The following PTGER3 variants were observed in gnomAD, a reference collection of about 807,000 sequenced individuals.
The protein encoded by PTGER3 is prostaglandin E2 receptor EP3 subtype.
PTGER3 carries 22 observed loss-of-function variants against 34.7 expected under a neutral mutation model. The ratio of observed to expected loss-of-function variants is 0.63; its 90% confidence interval spans 0.45 to 0.91. The LOEUF is 0.91. Among genes scored for constraint, PTGER3 ranks in the 40% least tolerant of loss-of-function variants. PTGER3 has a pLI of 0.00. For missense variants in PTGER3, 468 were observed against 519.4 expected (o/e 0.90, Z 0.96); for synonymous variants, 241 against 230.1 (o/e 1.05, Z -0.43).
Position 71,047,380 on chromosome 1 carries a change from G to T in PTGER3, c.198C>A (p.Asn66Lys). 1 of 1,611,244 alleles carries T rather than the reference G, an allele frequency of 6.2e-7. No homozygotes were observed. Among genetic ancestry groups the T allele is most frequent in the Non-Finnish European group, 8.5e-7 (1 of 1,179,432 alleles). ...GCGACACGAGCAGCATGGCCAGTGC[G>T]TTGCCCACGAAACCAGTGAGCAGCA... is the stretch of plus-strand genomic sequence containing the variant. ...ITMLLTGFVG[N>K]ALAMLLVSRS... is the part of the protein sequence containing the mutation. Residue 66 changes from asparagine (N) to lysine (K), a missense_variant, in exon 1 of 4, where the codon AAC becomes AAA. Asn to Lys is a moderately conservative substitution (Grantham distance 94). This residue lies in a region of PTGER3 where 151 missense variants were observed against 133.5 expected (regional missense o/e 1.13). Coordinates refer to ENST00000306666, the MANE Select transcript of PTGER3 (RefSeq NM_198719.2).
intron 1 of PTGER3, among the ~76,000 whole-genome samples, chr1:71,023,347 C>G (rs1310458138): frequency 1.3e-5 from 2 of 151,884 alleles, no homozygotes; most frequent in South Asian, 4.1e-4. Context: ...TTCCTGCTAC[C>G]TTTCTGGGTA....
intron 2 of PTGER3, among the ~76,000 whole-genome samples, chr1:70,985,547 A>G (rs1654836627): frequency 6.6e-6 from 1 of 152,166 alleles, no homozygotes; most frequent in Non-Finnish European, 1.5e-5. Context: ...GAGGGCAGTC[A>G]CAATCCAGGC....
At chr1:71,011,274 T>G in intron 2 of PTGER3, 1 of 985,270 alleles carries the variant, frequency 1.0e-6, no homozygotes, top group Non-Finnish European at 1.2e-6. Flanking sequence ...TTATTAACTT[T>G]CTTATATAAA....
At chr1:70,973,869 G>A (rs533000246) in intron 3 of PTGER3, among the ~76,000 whole-genome samples, 42 of 152,218 alleles carry the variant, frequency 2.8e-4, no homozygotes, top group African/African-American at 9.1e-4. Context: ...ATTCATTGAA[G>A]TACATGTTTT....
intron 4 of PTGER3, among the ~76,000 whole-genome samples, chr1:70,898,373 C>G (rs934476667): frequency 6.6e-6 from 1 of 152,182 alleles, no homozygotes; most frequent in Admixed American, 6.6e-5. Flanking sequence ...CTCATCTCTA[C>G]AGACATCACT....
chr1:70,941,820 C>G (rs1467348620), intron 4 of PTGER3, among the ~76,000 whole-genome samples: 1 of 152,252 alleles, frequency 6.6e-6, no homozygotes, highest in South Asian at 2.1e-4. Flanking sequence ...AAATAGCTTC[C>G]TCAATATTAT....
intron 4 of PTGER3, among the ~76,000 whole-genome samples, chr1:70,922,466 C>A (rs187801201): frequency 6.6e-6 from 1 of 152,148 alleles, no homozygotes; most frequent in African/African-American, 2.4e-5. Context: ...TCTTACTATA[C>A]AATTTCCTTG....
intron 2 of PTGER3, among the ~76,000 whole-genome samples, chr1:70,975,698 A>G (rs2100697576): frequency 6.6e-6 from 1 of 152,324 alleles, no homozygotes; most frequent in East Asian, 1.9e-4. Flanking sequence ...TTTTCTTTGC[A>G]GCAAAAATTA....
At chr1:70,982,759 A>T (rs1654509237) in intron 2 of PTGER3, among the ~76,000 whole-genome samples, 1 of 152,098 alleles carries the variant, frequency 6.6e-6, no homozygotes, top group Non-Finnish European at 1.5e-5. Context: ...AGGAGTAGTT[A>T]TCTCTGCTTT....
intron 2 of PTGER3, among the ~76,000 whole-genome samples, chr1:70,994,728 T>C (rs1655780978): frequency 6.6e-6 from 1 of 152,296 alleles, no homozygotes; most frequent in African/African-American, 2.4e-5. Flanking sequence ...AGTGCTGGGA[T>C]TACAGGCGTG....
chr1:70,894,309 C>CAAAA (rs35974984), intron 4 of PTGER3, among the ~76,000 whole-genome samples: 885 of 46,458 alleles, frequency 0.019, 24 homozygotes, highest in Middle Eastern at 0.039. Flanking sequence ...AACTCCATCT[C>CAAAA]AAAAAAAAAA....
chr1:70,865,100 T>A (rs760711787), intron 4 of PTGER3, among the ~76,000 whole-genome samples: 1 of 147,226 alleles, frequency 6.8e-6, no homozygotes, highest in Non-Finnish European at 1.5e-5. Context: ...TGAAAAAAAA[T>A]GATATTTTGG....
intron 2 of PTGER3, chr1:71,010,602 G>T: frequency 1.0e-6 from 1 of 984,620 alleles, no homozygotes; most frequent in African/African-American, 1.7e-5. Context: ...TGATTTCAGT[G>T]CACTTTTGAA....
intron 2 of PTGER3, among the ~76,000 whole-genome samples, chr1:70,961,924 G>A (rs1651968162): frequency 6.6e-6 from 1 of 152,170 alleles, no homozygotes; most frequent in South Asian, 2.1e-4. Context: ...CCAAATTCCA[G>A]CCACAAACTC....
intron 4 of PTGER3, among the ~76,000 whole-genome samples, chr1:70,941,961 C>T (rs1263518141): frequency 6.6e-6 from 1 of 152,150 alleles, no homozygotes; most frequent in Non-Finnish European, 1.5e-5. Context: ...AAACTCCTTA[C>T]TATGACTTAC....
intron 4 of PTGER3, among the ~76,000 whole-genome samples, chr1:70,862,620 T>C (rs908759072): frequency 6.6e-6 from 1 of 152,140 alleles, no homozygotes; most frequent in Admixed American, 6.5e-5. Context: ...AAGAAGGGAA[T>C]GCTCTAGACC....
At chr1:71,029,567 A>C (rs1403322000) in intron 1 of PTGER3, among the ~76,000 whole-genome samples, 1 of 152,204 alleles carries the variant, frequency 6.6e-6, no homozygotes. Context: ...CCATAATTAT[A>C]ACTGTGCATA....
chr1:70,978,915 C>T (rs866871486), intron 2 of PTGER3, among the ~76,000 whole-genome samples: 11 of 152,144 alleles, frequency 7.2e-5, no homozygotes, highest in Admixed American at 2.6e-4. Flanking sequence ...AGTCACAAAG[C>T]TAGCTTGCAG....
chr1:71,013,146 C>T (rs1657598872), intron 1 of PTGER3, among the ~76,000 whole-genome samples: 1 of 151,968 alleles, frequency 6.6e-6, no homozygotes, highest in Non-Finnish European at 1.5e-5. Flanking sequence ...TCCATGATAG[C>T]AGGAATTTGG....
Sources: allele counts gnomAD v4.1 joint callset (sites outside exome capture counted in the v4.1 genomes callset), GRCh38; gene constraint gnomAD v4.1.1; regional missense constraint gnomAD v4.1.1; transcripts MANE v1.5; gene names NCBI Gene and HGNC (gene_info 2026-07-23, HGNC 2026-07-21).